ERG: variants seen among roughly 807,000 people sequenced by gnomAD.
ERG encodes the protein transcriptional regulator ERG.
A neutral mutation model predicts 55.3 loss-of-function variants in ERG; 9 were observed. That is an observed-to-expected ratio of 0.16 (90% CI 0.10 to 0.28). The LOEUF (loss-of-function observed/expected upper bound fraction) is 0.28. Among genes scored for constraint, ERG ranks in the 10% least tolerant of loss-of-function variants. ERG has a pLI of 1.00. For synonymous variants in ERG, 223 were observed against 237.3 expected, an observed-to-expected ratio of 0.94 and a Z score of 0.55; for missense variants, 434 against 631.6, an observed-to-expected ratio of 0.69 and a Z score of 3.35.
intron 1 of ERG, among the ~76,000 whole-genome samples, chr21:38,455,874 CCCT>C (rs2058984246): frequency 1.3e-5 from 2 of 150,052 alleles, no homozygotes; most frequent in African/African-American, 2.4e-5. Flanking sequence ...ACGGTCCCCC[CCCT>C]CCCCACAGAC....
chr21:38,625,804 A>G (rs2146949746), intron 1 of ERG, among the ~76,000 whole-genome samples: 1 of 152,200 alleles, frequency 6.6e-6, no homozygotes, highest in South Asian at 2.1e-4. Context: ...TTACTTAGAT[A>G]CTTACTAATT....
At chr21:38,367,502 G>GC in the ERG span, 33 of 422,104 alleles carry the variant, frequency 7.8e-5, no homozygotes, top group Non-Finnish European at 1.3e-4. Flanking sequence ...CTGTAGGGCT[G>GC]CAAGTCTTCA....
At chr21:38,473,785 AAT>A (rs949937799) in intron 1 of ERG, among the ~76,000 whole-genome samples, 36 of 115,036 alleles carry the variant, frequency 3.1e-4, no homozygotes, top group African/African-American at 7.1e-4. Context: ...AACAGGCATA[AAT>A]ATATATATGT....
At chr21:38,503,852 G>A (rs537438610) in intron 2 of ERG, among the ~76,000 whole-genome samples, 5 of 152,124 alleles carry the variant, frequency 3.3e-5, no homozygotes, top group Admixed American at 6.5e-5. Flanking sequence ...TGCAGCAGTC[G>A]GAGGATTTGC....
chr21:38,414,095 A>G (rs1445463330), intron 3 of ERG, among the ~76,000 whole-genome samples: 1 of 152,138 alleles, frequency 6.6e-6, no homozygotes, highest in South Asian at 2.1e-4. Flanking sequence ...TCCATCCGAG[A>G]CTGTGGATAA....
intron 3 of ERG, among the ~76,000 whole-genome samples, chr21:38,408,171 A>T (rs574429586): frequency 3.9e-5 from 6 of 152,188 alleles, no homozygotes. Context: ...AAATGAGGGC[A>T]TTCCTTTTCT....
intron 1 of ERG, among the ~76,000 whole-genome samples, chr21:38,655,397 T>G (rs2060512767): frequency 6.6e-6 from 1 of 152,184 alleles, no homozygotes; most frequent in South Asian, 2.1e-4. Flanking sequence ...GTGCCTAAGC[T>G]TCCCAATTCT....
chr21:38,492,023 T>C (rs1242153171), intron 1 of ERG, among the ~76,000 whole-genome samples: 1 of 111,118 alleles, frequency 9.0e-6, no homozygotes, highest in African/African-American at 2.6e-5. Flanking sequence ...ATAATAATTT[T>C]CATTATCCAA....
chr21:38,454,951 T>A (rs1357396953), intron 1 of ERG, among the ~76,000 whole-genome samples: 1 of 152,212 alleles, frequency 6.6e-6, no homozygotes, highest in East Asian at 1.9e-4. Context: ...AAATTCTACA[T>A]TAGTTTGTTT....
chr21:38,379,197 T>G (rs2146402713), downstream of ERG, among the ~76,000 whole-genome samples: 1 of 152,364 alleles, frequency 6.6e-6, no homozygotes, highest in East Asian at 1.9e-4. Context: ...TATTGTCATC[T>G]CAGCCCCATG....
intron 2 of ERG, among the ~76,000 whole-genome samples, chr21:38,550,029 T>C (rs1024962543): frequency 1.1e-4 from 17 of 152,182 alleles, no homozygotes; most frequent in African/African-American, 3.9e-4. Flanking sequence ...CCTTCCTCAT[T>C]GGTCAGAGTC....
intron 2 of ERG, among the ~76,000 whole-genome samples, chr21:38,561,184 T>C (rs2059890661): frequency 6.6e-6 from 1 of 152,214 alleles, no homozygotes; most frequent in Non-Finnish European, 1.5e-5. Flanking sequence ...ATGTTAGTTT[T>C]CCATTATCAT....
chr21:38,376,898 G>A (rs1987258467), downstream of ERG, among the ~76,000 whole-genome samples: 2 of 152,218 alleles, frequency 1.3e-5, no homozygotes, highest in South Asian at 4.1e-4. Flanking sequence ...AAACCAAAGG[G>A]CGCAGCAAGG....
intron 1 of ERG, among the ~76,000 whole-genome samples, chr21:38,621,090 G>A (rs1304470913): frequency 6.6e-6 from 1 of 152,232 alleles, no homozygotes; most frequent in Non-Finnish European, 1.5e-5. Flanking sequence ...TGAGTGTGAA[G>A]GGAAGCCCAG....
At chr21:38,612,625 T>G (rs943565777) in intron 1 of ERG, among the ~76,000 whole-genome samples, 3 of 151,584 alleles carry the variant, frequency 2.0e-5, no homozygotes, top group Non-Finnish European at 4.4e-5. Context: ...ACACAGTAAC[T>G]AACTAGGAAC....
chr21:38,538,832 C>G (rs577335733), intron 2 of ERG, among the ~76,000 whole-genome samples: 6 of 152,108 alleles, frequency 3.9e-5, no homozygotes, highest in African/African-American at 1.4e-4. Flanking sequence ...ACCAAGAGAG[C>G]TACTGTACTT....
chr21:38,451,948 T>A (rs951993625), intron 1 of ERG, among the ~76,000 whole-genome samples: 4 of 152,250 alleles, frequency 2.6e-5, no homozygotes, highest in African/African-American at 9.6e-5. Flanking sequence ...TTGATATGAT[T>A]TTCTTTTCTT....
chr21:38,568,797 T>C (rs1219365835), intron 2 of ERG, among the ~76,000 whole-genome samples: 2 of 152,184 alleles, frequency 1.3e-5, no homozygotes, highest in African/African-American at 4.8e-5. Context: ...TTCAGGCATC[T>C]GTACTCGCCT....
intron 1 of ERG, among the ~76,000 whole-genome samples, chr21:38,489,619 G>A (rs1326366414): frequency 6.6e-6 from 1 of 152,230 alleles, no homozygotes; most frequent in Non-Finnish European, 1.5e-5. Context: ...TATGCTTCCA[G>A]TTTAGGAGTT....
Sources: allele counts gnomAD v4.1 joint callset (sites outside exome capture counted in the v4.1 genomes callset), GRCh38; gene constraint gnomAD v4.1.1; transcripts MANE v1.5; gene names NCBI Gene and HGNC (gene_info 2026-07-23, HGNC 2026-07-21).